The following GKAP1 variants were observed in gnomAD, a reference collection of about 807,000 sequenced individuals.
GKAP1 encodes G kinase-anchoring protein 1.
GKAP1 carries 31 observed loss-of-function variants against 56.7 expected under a neutral mutation model. The ratio of observed to expected loss-of-function variants is 0.55; its 90% CI spans 0.41 to 0.74. The LOEUF (loss-of-function observed/expected upper bound fraction) is 0.74, where lower values mean the gene tolerates loss of function less well. Ranked by LOEUF, GKAP1 falls within the 30% of genes least tolerant of loss-of-function variation. The probability of loss-of-function intolerance (pLI) is 0.00; values close to 1 mark genes in which losing one functional copy is unlikely to be tolerated. For missense variants in GKAP1, 364 were observed against 402.3 expected (o/e 0.90, Z 0.82); for synonymous variants, 151 against 138.6 (o/e 1.09, Z -0.63).
At chr9:83,787,996 G>A (rs552964476) in intron 5 of GKAP1, among the ~76,000 whole-genome samples, 39 of 152,144 alleles carry the variant, frequency 2.6e-4, no homozygotes, top group Non-Finnish European at 4.9e-4. Flanking sequence ...TAAAATAATC[G>A]GCAGGGCACA....
At chr9:83,799,458 C>T (rs1944297339) in intron 3 of GKAP1, 130 bp from the exon 4 acceptor site, 1 of 619,638 alleles carries the variant, frequency 1.6e-6, no homozygotes, top group South Asian at 2.1e-5. Flanking sequence ...CTAACTCACA[C>T]AGCTAAAGTT....
intron 4 of GKAP1, among the ~76,000 whole-genome samples, chr9:83,797,373 T>A (rs1944265135): frequency 6.6e-6 from 1 of 152,224 alleles, no homozygotes; most frequent in Admixed American, 6.5e-5. Flanking sequence ...TAGTATATAG[T>A]CATTGCCTGA....
At chr9:83,809,399 G>C (rs1192434981) in intron 2 of GKAP1, among the ~76,000 whole-genome samples, 4 of 152,174 alleles carry the variant, frequency 2.6e-5, no homozygotes. Flanking sequence ...TGCTGCTCTG[G>C]AGTTATGTCA....
At position 83,814,422 on chromosome 9, in the gene GKAP1, T is replaced by C. The variant is rs146117999; in HGVS notation, c.-44+2574A>G. On this transcript the variant is annotated intron_variant, in intron 2 of 12. Transcript: ENST00000376371. ...AATCCTGCTCAGGTGCTAGCATATC[T>C]ATGAAGCGTTCTCTGACCTGTTCCT... 5.6e-4 allele frequency among the ~76,000 whole-genome samples: 85 copies of C among 152,372 alleles called. No individual in the cohort carries two copies. The East Asian group carries it at 0.012, about 21-fold the overall frequency.
chr9:83,756,183 T>C (rs776781909), intron 8 of GKAP1, among the ~76,000 whole-genome samples: 1 of 151,918 alleles, frequency 6.6e-6, no homozygotes, highest in African/African-American at 2.4e-5. Context: ...ATTTCATGTA[T>C]AAGAATTAAT....
chr9:83,806,123 A>G (rs1264048768), intron 3 of GKAP1, among the ~76,000 whole-genome samples, 179 bp downstream of exon 3: 1 of 152,144 alleles, frequency 6.6e-6, no homozygotes, highest in Non-Finnish European at 1.5e-5. Flanking sequence ...TCTCAAAAAA[A>G]AAAAAAGATC....
intron 7 of GKAP1, among the ~76,000 whole-genome samples, chr9:83,779,502 C>CAT (rs1266337172): frequency 2.5e-5 from 3 of 118,022 alleles, no homozygotes; most frequent in African/African-American, 3.0e-5. Flanking sequence ...CACATATACA[C>CAT]ATATATGTGT....
chr9:83,762,367 T>C (rs1482727626), intron 8 of GKAP1, among the ~76,000 whole-genome samples: 1 of 151,800 alleles, frequency 6.6e-6, no homozygotes, highest in Non-Finnish European at 1.5e-5. Flanking sequence ...ATCTCCATAA[T>C]GAAAACTATA....
rs1057019677 is a variant in GKAP1, at chr9:83,785,359, G to C, written c.439-521C>G. Among the ~76,000 whole-genome samples the C allele has an allele frequency of 2.6e-5, 4 of 151,732 alleles. No individual in the cohort carries two copies. In the East Asian group the frequency reaches 5.8e-4, roughly 22 times the overall value. On this transcript the variant is annotated intron_variant, in intron 5 of 12. Coordinates refer to ENST00000376371, the MANE Select transcript of GKAP1 (RefSeq NM_025211.4). Reference sequence around the variant, plus strand: ...CCCACTCTTAACCTATTTTTTTAATGCTTTATACCCACTGCTCTTCAATCT... The same window carrying C: ...CCCACTCTTAACCTATTTTTTTAATCCTTTATACCCACTGCTCTTCAATCT...
intron 12 of GKAP1, among the ~76,000 whole-genome samples, chr9:83,741,563 T>C (rs7031676): frequency 0.56 from 85,613 of 151,830 alleles, 24,746 homozygotes; most frequent in Admixed American, 0.7. Flanking sequence ...CATACAATCT[T>C]AAAGTATCAC....
intron 9 of GKAP1, 175 bp from the exon 10 acceptor site, chr9:83,748,547 C>T (rs1211312880): frequency 2.3e-6 from 1 of 431,300 alleles, no homozygotes; most frequent in Non-Finnish European, 4.1e-6. Flanking sequence ...AATTAAGTCC[C>T]TGGCACAATA....
chr9:83,771,346 G>T (rs968194328), intron 7 of GKAP1, among the ~76,000 whole-genome samples: 1 of 152,092 alleles, frequency 6.6e-6, no homozygotes, highest in African/African-American at 2.4e-5. Context: ...GCCTCCCAAA[G>T]TGCTAGGATT....
In GKAP1 at chr9:83,815,573, A is replaced by AACACAC. The variant is rs377376142; in HGVS notation, c.-44+1417_-44+1422dup. On this transcript the variant is annotated intron_variant, in intron 2 of 12. Coordinates refer to ENST00000376371, the MANE Select transcript of GKAP1 (RefSeq NM_025211.4). ...AGACCACAATTAGGGAACTTCAGAA[A>AACACAC]ACACACACACACACACACACACACA... Among the ~76,000 whole-genome samples, 1,261 of 149,408 alleles carry AACACAC rather than the reference A, an allele frequency of 8.4e-3. 15 individuals are homozygous for AACACAC. Among genetic ancestry groups the AACACAC allele is most frequent in the African/African-American group, 0.029 (1,173 of 40,694 alleles).
intron 4 of GKAP1, among the ~76,000 whole-genome samples, chr9:83,792,702 G>C (rs1369101067): frequency 6.6e-6 from 1 of 152,154 alleles, no homozygotes. Context: ...AACTATAGCT[G>C]ACAATCTACT....
At chr9:83,773,796 T>C (rs1243784345) in intron 7 of GKAP1, among the ~76,000 whole-genome samples, 1 of 152,212 alleles carries the variant, frequency 6.6e-6, no homozygotes, top group Non-Finnish European at 1.5e-5. Flanking sequence ...ATTTAAGGAT[T>C]TTCTACATTT....
chr9:83,764,755 AG>A (rs1177185684), intron 8 of GKAP1, among the ~76,000 whole-genome samples: 1 of 152,226 alleles, frequency 6.6e-6, no homozygotes, highest in East Asian at 1.9e-4. Flanking sequence ...GCTTTAGCAA[AG>A]AAACTGGTAG....
chr9:83,778,641 C>T (rs1587716073), intron 7 of GKAP1, among the ~76,000 whole-genome samples: 1 of 151,854 alleles, frequency 6.6e-6, no homozygotes, highest in South Asian at 2.1e-4. Flanking sequence ...AACAAACCAC[C>T]GTGACCAAAA....
In GKAP1 at chr9:83,748,244, G is replaced by C; in HGVS notation, c.904+65C>G. 4 of 1,107,292 alleles carry C rather than the reference G, an allele frequency of 3.6e-6. No individual in the cohort carries two copies. The Admixed American group carries it at 6.1e-5, about 17-fold the overall frequency. The allele number at this position is 1,107,292 out of a possible 1,614,324, so 68.6% of individuals were successfully genotyped here. On this transcript the variant is annotated intron_variant, in intron 10 of 12. Coordinates refer to ENST00000376371, the MANE Select transcript of GKAP1 (RefSeq NM_025211.4). ...TGTTGAGTTGGTAAATCACACATTT[G>C]AAAAAGTACCTTCAGATATTATTTA...
Position 83,806,214 on chromosome 9 carries a change from T to A in GKAP1, c.216+88A>T, listed in dbSNP as rs899698887. ...TTCAGAGTACCTGTGGAACAGGTAC[T>A]ATGGATACACAGGGGAACAAGATAG... On this transcript the variant is annotated intron_variant, in intron 3 of 12. Transcript: ENST00000376371. 7.6e-6 allele frequency: 6 copies of A among 791,602 alleles called. No individual in the cohort carries two copies. In the African/African-American group the frequency reaches 1.0e-4, roughly 14 times the overall value. 49.0% of individuals were successfully genotyped at this position (791,602 alleles called of 1,614,324 possible). A position where few individuals can be genotyped will look rare whatever the true frequency, so the allele number is the denominator to read the frequency against.
Sources: gnomAD v4.1 joint callset for allele counts (sites outside exome capture counted in the v4.1 genomes callset) on GRCh38, gnomAD v4.1.1 for gene constraint, MANE v1.5 for transcripts, NCBI Gene and HGNC (gene_info 2026-07-23, HGNC 2026-07-21) for gene names.